Variants in KCNIP4 observed in about 807,000 individuals in gnomAD.
KCNIP4 encodes Kv channel-interacting protein 4.
KCNIP4 carries 12 observed loss-of-function variants against 34.0 expected under a neutral mutation model. The ratio of observed to expected loss-of-function variants is 0.35; its 90% CI spans 0.23 to 0.57. The LOEUF (loss-of-function observed/expected upper bound fraction) is 0.57, where lower values mean the gene tolerates loss of function less well. Ranked by LOEUF, KCNIP4 falls within the 20% of genes least tolerant of loss-of-function variation. The probability of loss-of-function intolerance (pLI) is 0.83; values close to 1 mark genes in which losing one functional copy is unlikely to be tolerated. For synonymous variants in KCNIP4, 124 were observed against 102.2 expected (o/e 1.21, Z -1.29); for missense variants, 238 against 311.7 (o/e 0.76, Z 1.78).
chr4:21,315,861 G>A (rs1199802189), intron 1 of KCNIP4, among the ~76,000 whole-genome samples: 3 of 152,082 alleles, frequency 2.0e-5, no homozygotes, highest in African/African-American at 7.2e-5. Flanking sequence ...GTATTTTGCT[G>A]GTATATTTCA....
intron 5 of KCNIP4, among the ~76,000 whole-genome samples, chr4:20,748,862 T>C (rs1752995695): frequency 6.9e-6 from 1 of 145,132 alleles, no homozygotes; most frequent in South Asian, 2.2e-4. Context: ...TTGAATCATA[T>C]GAATTACGTG....
At chr4:21,338,448 T>G (rs1291035209) in intron 1 of KCNIP4, among the ~76,000 whole-genome samples, 2 of 149,990 alleles carry the variant, frequency 1.3e-5, no homozygotes, top group African/African-American at 4.9e-5. Flanking sequence ...AATCTTTTAG[T>G]AAATGATGTC....
At chr4:21,247,508 A>C (rs1760297374) in intron 1 of KCNIP4, among the ~76,000 whole-genome samples, 1 of 150,312 alleles carries the variant, frequency 6.7e-6, no homozygotes. Flanking sequence ...ATATGCATGC[A>C]GAGGGACGAT....
chr4:20,921,085 G>A (rs1729352511), intron 1 of KCNIP4, among the ~76,000 whole-genome samples: 1 of 152,102 alleles, frequency 6.6e-6, no homozygotes, highest in Admixed American at 6.5e-5. Context: ...CTAGAGAAGG[G>A]GTTGTTTCTA....
At chr4:21,593,510 C>T (rs1018048351) in intron 1 of KCNIP4, among the ~76,000 whole-genome samples, 1 of 151,980 alleles carries the variant, frequency 6.6e-6, no homozygotes, top group Non-Finnish European at 1.5e-5. Flanking sequence ...CTGTGGTCCC[C>T]GGACCTGGCA....
rs532862468 is a variant in KCNIP4, at chr4:21,125,731, AC to A, written c.62-243023del. 4.6e-5 allele frequency among the ~76,000 whole-genome samples: 7 copies of A among 152,248 alleles called. No individual in the cohort carries two copies. The South Asian group carries it at 1.5e-3, about 32-fold the overall frequency. Reference sequence around the variant, plus strand: ...GTCTCTGTAATCTGTTTACAAAACAACCATACTACCAGGCCTCCAACATAAT... The same window carrying A: ...GTCTCTGTAATCTGTTTACAAAACAACATACTACCAGGCCTCCAACATAAT... On this transcript the variant is annotated intron_variant, in intron 1 of 8. Coordinates refer to ENST00000382152, the MANE Select transcript of KCNIP4 (RefSeq NM_025221.6).
In KCNIP4 at chr4:21,368,062, AG is replaced by A. The variant is rs1235384977; in HGVS notation, c.62-485354del. ...GTGGTCAGCCTGGAGTTGTGAAAAGAGGGTGGGATTTGGATTCAGCAAGATG... is the reference window on the plus strand; with the variant it reads ...GTGGTCAGCCTGGAGTTGTGAAAAGAGGTGGGATTTGGATTCAGCAAGATG... On this transcript the variant is annotated intron_variant, in intron 1 of 8. Coordinates refer to ENST00000382152, the MANE Select transcript of KCNIP4 (RefSeq NM_025221.6). Among the ~76,000 whole-genome samples, 2 of 147,264 alleles carry A rather than the reference AG, an allele frequency of 1.4e-5. 1 individual carries two copies. Among genetic ancestry groups the A allele is most frequent in the African/African-American group, 5.4e-5 (2 of 36,872 alleles).
intron 3 of KCNIP4, among the ~76,000 whole-genome samples, chr4:20,785,505 G>A (rs1711859313): frequency 6.6e-6 from 1 of 151,984 alleles, no homozygotes; most frequent in Non-Finnish European, 1.5e-5. Flanking sequence ...GATGGTGTGT[G>A]CTGATCCACC....
chr4:21,169,660 T>TTGCGTGTGTGTGTGTGTG (rs769666168), intron 1 of KCNIP4, among the ~76,000 whole-genome samples: 57 of 136,296 alleles, frequency 4.2e-4, no homozygotes, highest in African/African-American at 1.1e-3. Flanking sequence ...TACTTTATAT[T>TTGCGTGTGTGTGTGTGTG]TGTGTGTGTG....
At chr4:21,101,008 A>G (rs973659191) in intron 1 of KCNIP4, among the ~76,000 whole-genome samples, 1 of 152,202 alleles carries the variant, frequency 6.6e-6, no homozygotes, top group African/African-American at 2.4e-5. Context: ...AAGATTTCTT[A>G]CATGCACATA....
chr4:21,189,975 A>T (rs1401863445), intron 1 of KCNIP4, among the ~76,000 whole-genome samples: 2 of 152,238 alleles, frequency 1.3e-5, no homozygotes, highest in Non-Finnish European at 2.9e-5. Flanking sequence ...ACAGTAGATA[A>T]CTATTGAAGA....
At chr4:21,682,289 T>C (rs1458358587) in intron 1 of KCNIP4, among the ~76,000 whole-genome samples, 1 of 152,070 alleles carries the variant, frequency 6.6e-6, no homozygotes, top group Non-Finnish European at 1.5e-5. Flanking sequence ...TCCTGAGAAA[T>C]CCACCCCATA....
intron 3 of KCNIP4, among the ~76,000 whole-genome samples, chr4:20,839,576 A>AG (rs561237392): frequency 6.6e-6 from 1 of 151,200 alleles, no homozygotes; most frequent in Non-Finnish European, 1.5e-5. Flanking sequence ...AAAGTTTGAG[A>AG]GGGGGAAAAA....
At chr4:21,200,300 G>GTGTA (rs1344570488) in intron 1 of KCNIP4, among the ~76,000 whole-genome samples, 13 of 136,348 alleles carry the variant, frequency 9.5e-5, no homozygotes, top group East Asian at 6.6e-4. Flanking sequence ...GTGTGTGTGT[G>GTGTA]TATATATATA....
At position 21,641,351 on chromosome 4, in the gene KCNIP4, C is replaced by T. The variant is rs140722106; in HGVS notation, c.61+307220G>A. 5.0e-3 allele frequency among the ~76,000 whole-genome samples: 768 copies of T among 152,318 alleles called. 3 individuals are homozygous for T. The highest frequency in any genetic ancestry group is 0.027 in the Middle Eastern group (8 of 294). On this transcript the variant is annotated intron_variant, in intron 1 of 8. Coordinates refer to ENST00000382152, the MANE Select transcript of KCNIP4 (RefSeq NM_025221.6). ...ATATACAGGCACATACAATAGACAG[C>T]CACAGCACTACAGTCCTTTTCTAGC...
chr4:21,562,939 T>TA (rs1242373328), intron 1 of KCNIP4, among the ~76,000 whole-genome samples: 2 of 152,062 alleles, frequency 1.3e-5, no homozygotes, highest in African/African-American at 4.8e-5. Context: ...CTTTTGCAAT[T>TA]ATCTTAATTA....
At chr4:21,743,622 C>T (rs1716572815) in intron 1 of KCNIP4, among the ~76,000 whole-genome samples, 1 of 151,118 alleles carries the variant, frequency 6.6e-6, no homozygotes, top group African/African-American at 2.4e-5. Flanking sequence ...AAACACATTC[C>T]TTGACACAAT....
At chr4:21,602,291 T>C (rs988917591) in intron 1 of KCNIP4, among the ~76,000 whole-genome samples, 8 of 152,174 alleles carry the variant, frequency 5.3e-5, no homozygotes, top group African/African-American at 1.9e-4. Flanking sequence ...TTTGCTTGCA[T>C]GTCCTTCTCC....
At chr4:21,319,997 C>T (rs1482010512) in intron 1 of KCNIP4, among the ~76,000 whole-genome samples, 7 of 152,098 alleles carry the variant, frequency 4.6e-5, no homozygotes, top group Non-Finnish European at 1.0e-4. Flanking sequence ...CTATATGTTC[C>T]TGGTTATGAT....
Sources: gnomAD v4.1 joint callset for allele counts (sites outside exome capture counted in the v4.1 genomes callset) on GRCh38, gnomAD v4.1.1 for gene constraint, MANE v1.5 for transcripts, NCBI Gene and HGNC (gene_info 2026-07-23, HGNC 2026-07-21) for gene names.